LEF1: variants seen among roughly 807,000 people sequenced by gnomAD.
The protein encoded by LEF1 is lymphoid enhancer-binding factor 1.
LEF1 carries 14 observed loss-of-function variants against 51.2 expected under a neutral mutation model. That is an observed-to-expected ratio of 0.27 (90% CI 0.18 to 0.43). The LOEUF is 0.43. LEF1 is among the 20% of genes least tolerant of loss of function. The pLI is 1.00. For missense variants in LEF1, 386 were observed against 512.0 expected (o/e 0.75, Z 2.37); for synonymous variants, 185 against 183.2 (o/e 1.01, Z -0.08).
intron 3 of LEF1, among the ~76,000 whole-genome samples, chr4:108,142,483 G>C (rs1743727868): frequency 6.6e-6 from 1 of 151,994 alleles, no homozygotes; most frequent in Non-Finnish European, 1.5e-5. Context: ...ATCAACACTA[G>C]TATCCTATTT....
intron 11 of LEF1, among the ~76,000 whole-genome samples, chr4:108,059,751 G>A (rs1372721181): frequency 6.6e-6 from 1 of 152,138 alleles, no homozygotes; most frequent in East Asian, 1.9e-4. Context: ...TGCTCAGGCT[G>A]TAGTGCGGTG....
intron 3 of LEF1, among the ~76,000 whole-genome samples, chr4:108,155,354 C>A (rs1372899469): frequency 1.3e-5 from 2 of 152,140 alleles, no homozygotes; most frequent in African/African-American, 4.8e-5. Flanking sequence ...TGCTGCTCTC[C>A]TAACAATCAC....
At chr4:108,097,967 C>T (rs928263744) in intron 3 of LEF1, among the ~76,000 whole-genome samples, 5 of 152,058 alleles carry the variant, frequency 3.3e-5, no homozygotes, top group African/African-American at 7.2e-5. Flanking sequence ...AGACCGGAGG[C>T]GACATGAGGC....
At position 108,083,386 on chromosome 4, in the gene LEF1, C is replaced by T. The variant is rs754337474; in HGVS notation, c.608G>A (p.Gly203Asp). The change falls in exon 5 of 12, where the codon GGT becomes GAT. Residue 203 changes from glycine to aspartate, a missense_variant. Coordinates refer to ENST00000265165, the MANE Select transcript of LEF1 (RefSeq NM_016269.5). Reference sequence around the variant, plus strand: ...AAGAGGTGGGGTGATCTGTCCAACACCACCCGGAGACAAGGGATAAAAAGT... The same window carrying T: ...AAGAGGTGGGGTGATCTGTCCAACATCACCCGGAGACAAGGGATAAAAAGT... ...IPTFYPLSPG[G>D]VGQITPPLGW... 8.1e-6 allele frequency: 13 copies of T among 1,613,640 alleles called. No homozygotes were observed. The highest frequency in any genetic ancestry group is 1.1e-5 in the South Asian group (1 of 91,050).
chr4:108,110,728 C>T (rs1045536046), intron 3 of LEF1, among the ~76,000 whole-genome samples: 7 of 152,160 alleles, frequency 4.6e-5, no homozygotes, highest in Non-Finnish European at 1.0e-4. Flanking sequence ...GTGACTTAAC[C>T]GCTGCTTCCT....
chr4:108,141,552 T>C (rs978351736), intron 3 of LEF1, among the ~76,000 whole-genome samples: 5 of 152,226 alleles, frequency 3.3e-5, no homozygotes, highest in Non-Finnish European at 7.3e-5. Context: ...TGCACAGTGA[T>C]TGATTTCTGC....
chr4:108,147,547 T>C (rs1299528915), intron 3 of LEF1, among the ~76,000 whole-genome samples: 4 of 152,154 alleles, frequency 2.6e-5, no homozygotes, highest in African/African-American at 9.7e-5. Context: ...TAAGAAGCCC[T>C]CATAAAATCT....
At chr4:108,069,431 A>G (rs1397750131) in intron 9 of LEF1, among the ~76,000 whole-genome samples, 1 of 152,236 alleles carries the variant, frequency 6.6e-6, no homozygotes, top group Non-Finnish European at 1.5e-5. Context: ...ACAGTAATAA[A>G]ACAATTGGCA....
At chr4:108,105,432 C>G (rs1039050634) in intron 3 of LEF1, among the ~76,000 whole-genome samples, 11 of 152,124 alleles carry the variant, frequency 7.2e-5, no homozygotes, top group Admixed American at 6.6e-4. Flanking sequence ...CTGCCCGCCT[C>G]AGCCTCTCAA....
intron 5 of LEF1, among the ~76,000 whole-genome samples, chr4:108,081,899 A>G (rs1395213811): frequency 1.3e-5 from 2 of 152,172 alleles, no homozygotes; most frequent in African/African-American, 4.8e-5. Context: ...GAAACAAACC[A>G]TCCATGAATT....
intron 9 of LEF1, among the ~76,000 whole-genome samples, 193 bp from the exon 10 acceptor site, chr4:108,064,577 T>A (rs1019587400): frequency 2.0e-5 from 3 of 152,104 alleles, no homozygotes; most frequent in Non-Finnish European, 4.4e-5. Flanking sequence ...TGGTGACCTT[T>A]GTCTCTATAG....
At chr4:108,092,899 T>G (rs998279082) in intron 3 of LEF1, among the ~76,000 whole-genome samples, 3 of 109,968 alleles carry the variant, frequency 2.7e-5, no homozygotes, top group African/African-American at 7.0e-5. Context: ...GGGGTGGGTA[T>G]TGGAAACAAT....
chr4:108,158,621 G>A (rs1220075574), intron 3 of LEF1, among the ~76,000 whole-genome samples: 1 of 151,736 alleles, frequency 6.6e-6, no homozygotes, highest in East Asian at 1.9e-4. Context: ...TCATGTCTAT[G>A]ATACATAAAT....
chr4:108,105,677 T>C (rs1741118177), intron 3 of LEF1, among the ~76,000 whole-genome samples: 1 of 152,210 alleles, frequency 6.6e-6, no homozygotes, highest in Non-Finnish European at 1.5e-5. Flanking sequence ...GTCTTCTATC[T>C]CGTTTCTCTA....
At chr4:108,163,831 T>A in intron 2 of LEF1, 130 bp from the exon 3 acceptor site, 1 of 901,190 alleles carries the variant, frequency 1.1e-6, no homozygotes, top group Non-Finnish European at 1.6e-6. Context: ...CAAAATACTG[T>A]AACTGGATTA....
intron 3 of LEF1, among the ~76,000 whole-genome samples, chr4:108,130,663 G>A (rs1742819388): frequency 6.6e-6 from 1 of 151,110 alleles, no homozygotes; most frequent in African/African-American, 2.4e-5. Context: ...CCAGGAGGCA[G>A]AGGTTGCAGT....
chr4:108,122,711 C>T (rs1327915104), intron 3 of LEF1, among the ~76,000 whole-genome samples: 1 of 152,030 alleles, frequency 6.6e-6, no homozygotes, highest in Non-Finnish European at 1.5e-5. Context: ...GTCTCGAAAT[C>T]CTGGACTCAA....
intron 3 of LEF1, among the ~76,000 whole-genome samples, chr4:108,152,974 T>C (rs1336875304): frequency 1.3e-5 from 2 of 152,210 alleles, no homozygotes; most frequent in Non-Finnish European, 2.9e-5. Context: ...ATTTTACCAT[T>C]ATCTTGGTTG....
intron 3 of LEF1, among the ~76,000 whole-genome samples, chr4:108,152,129 C>G (rs1403019184): frequency 1.3e-5 from 2 of 152,198 alleles, no homozygotes; most frequent in Admixed American, 6.5e-5. Context: ...AGTAGTCACT[C>G]TTGACTGACG....
Sources: allele counts gnomAD v4.1 joint callset (sites outside exome capture counted in the v4.1 genomes callset), GRCh38; gene constraint gnomAD v4.1.1; transcripts MANE v1.5; gene names NCBI Gene and HGNC (gene_info 2026-07-23, HGNC 2026-07-21).